POU2F1: variants seen among roughly 807,000 people sequenced by gnomAD.
POU2F1 encodes POU class 2 homeobox 1, also known as POU domain, class 2, transcription factor 1.
In POU2F1, 16 loss-of-function variants were observed where a neutral mutation model predicts 84.9. The ratio of observed to expected loss-of-function variants is 0.19; its 90% CI spans 0.13 to 0.29. The LOEUF is 0.29. POU2F1 is among the 10% of genes least tolerant of loss of function. The pLI, the probability that POU2F1 is intolerant of heterozygous loss-of-function variation, is 1.00. For synonymous variants in POU2F1, 368 were observed against 368.3 expected (o/e 1.00, Z 0.01); for missense variants, 738 against 942.6 (o/e 0.78, Z 2.84).
At chr1:167,373,193 C>G (rs1201636560) in intron 5 of POU2F1, among the ~76,000 whole-genome samples, 14 of 152,102 alleles carry the variant, frequency 9.2e-5, no homozygotes, top group Non-Finnish European at 2.1e-4. Flanking sequence ...GAGGTTGTGG[C>G]ACTAAGTGAC....
At chr1:167,378,501 T>G (rs7553621) in intron 7 of POU2F1, among the ~76,000 whole-genome samples, 124,580 of 151,258 alleles carry the variant, frequency 0.82, 51,834 homozygotes, top group African/African-American at 0.94. Context: ...CTACCTCCTG[T>G]GTTCAAGCGA....
intron 7 of POU2F1, among the ~76,000 whole-genome samples, chr1:167,381,544 CTA>C (rs1431223779): frequency 6.7e-6 from 1 of 150,124 alleles, no homozygotes; most frequent in Admixed American, 6.6e-5. Flanking sequence ...AAAGAAACTC[CTA>C]TGTTGAAATA....
chr1:167,369,485 A>C (rs1029384819), intron 3 of POU2F1, among the ~76,000 whole-genome samples: 1 of 152,164 alleles, frequency 6.6e-6, no homozygotes, highest in South Asian at 2.1e-4. Context: ...TGCCTAAATC[A>C]TAGTTATTAT....
chr1:167,222,095 G>A (rs965259239), intron 1 of POU2F1, among the ~76,000 whole-genome samples: 1 of 152,052 alleles, frequency 6.6e-6, no homozygotes, highest in Non-Finnish European at 1.5e-5. Flanking sequence ...CTCTCGCTCC[G>A]AGGCCCCAGA....
intron 15 of POU2F1, chr1:167,414,489 C>T (rs1260270364): frequency 4.1e-6 from 4 of 985,206 alleles, no homozygotes; most frequent in African/African-American, 1.7e-5. Context: ...TGTGTAATGC[C>T]GTTAGAAAAT....
At chr1:167,326,074 C>T (rs1656691060) in intron 1 of POU2F1, among the ~76,000 whole-genome samples, 1 of 152,082 alleles carries the variant, frequency 6.6e-6, no homozygotes, top group Admixed American at 6.6e-5. Flanking sequence ...ATTATTACTA[C>T]CTTCTATGAA....
intron 1 of POU2F1, among the ~76,000 whole-genome samples, chr1:167,293,740 G>T (rs1395574099): frequency 1.3e-5 from 2 of 152,120 alleles, no homozygotes; most frequent in Non-Finnish European, 2.9e-5. Flanking sequence ...AAGCAACATG[G>T]TACTGGTATA....
Position 167,224,106 on chromosome 1 carries a change from A to G in POU2F1, c.61+3148A>G, listed in dbSNP as rs370484726. 3.9e-5 allele frequency among the ~76,000 whole-genome samples: 6 copies of G among 152,360 alleles called. No individual in the cohort carries two copies. In the East Asian group the frequency reaches 5.8e-4, roughly 15 times the overall value. ...ATTTCGCTGTTACAGTTTTTGTAAT[A>G]CAGAAAAGGATGGATGTTGTTAACT... On this transcript the variant is annotated intron_variant, in intron 1 of 15. Coordinates refer to ENST00000367866, the MANE Select transcript of POU2F1 (RefSeq NM_002697.4).
chr1:167,242,416 C>G (rs934778110), intron 1 of POU2F1, among the ~76,000 whole-genome samples: 1 of 152,166 alleles, frequency 6.6e-6, no homozygotes, highest in Non-Finnish European at 1.5e-5. Context: ...TTCTGCAAAG[C>G]TATAAAAGCT....
chr1:167,327,636 C>T (rs1365076767), intron 1 of POU2F1, among the ~76,000 whole-genome samples: 1 of 152,174 alleles, frequency 6.6e-6, no homozygotes, highest in Non-Finnish European at 1.5e-5. Context: ...TGTATCTGTA[C>T]ACACCTGACT....
At chr1:167,372,483 C>T (rs1660073286) in intron 5 of POU2F1, among the ~76,000 whole-genome samples, 1 of 152,174 alleles carries the variant, frequency 6.6e-6, no homozygotes, top group Admixed American at 6.5e-5. Flanking sequence ...AAGCATGTGG[C>T]TTCATATCCT....
intron 1 of POU2F1, among the ~76,000 whole-genome samples, chr1:167,304,413 G>A (rs1654920659): frequency 6.6e-6 from 1 of 152,174 alleles, no homozygotes; most frequent in South Asian, 2.1e-4. Flanking sequence ...GCTAGAACTG[G>A]AGTTTAAACC....
chr1:167,340,896 A>G (rs1657806245), intron 2 of POU2F1, among the ~76,000 whole-genome samples: 1 of 152,228 alleles, frequency 6.6e-6, no homozygotes, highest in Admixed American at 6.5e-5. Flanking sequence ...ATGTGAACCC[A>G]TGAGAATTCA....
At chr1:167,282,118 C>T (rs901784572) in intron 1 of POU2F1, among the ~76,000 whole-genome samples, 1 of 151,816 alleles carries the variant, frequency 6.6e-6, no homozygotes, top group Admixed American at 6.6e-5. Flanking sequence ...CATACTGTTA[C>T]TTAAGTAAAC....
At position 167,416,852 on chromosome 1, in the gene POU2F1, G is replaced by A. The variant is rs1370190519; in HGVS notation, c.*1042G>A. On this transcript the variant is annotated 3_prime_UTR_variant, in exon 16 of 16. Coordinates refer to ENST00000367866, the MANE Select transcript of POU2F1 (RefSeq NM_002697.4). ...CTGTACATGTTGCAGGGCAGGATTTGGTTCCCAAGAGCAAAGACTACTGCA... is the reference window on the plus strand; with the variant it reads ...CTGTACATGTTGCAGGGCAGGATTTAGTTCCCAAGAGCAAAGACTACTGCA... 1 of 152,212 alleles carries A rather than the reference G, an allele frequency of 6.6e-6. No homozygotes were observed. Among genetic ancestry groups the A allele is most frequent in the Non-Finnish European group, 1.5e-5 (1 of 68,056 alleles). 9.4% of individuals were successfully genotyped at this position (152,212 alleles called of 1,614,324 possible).
chr1:167,292,130 A>G (rs981275927), intron 1 of POU2F1, among the ~76,000 whole-genome samples: 21 of 152,170 alleles, frequency 1.4e-4, no homozygotes, highest in African/African-American at 5.1e-4. Flanking sequence ...GGCTTTTTAT[A>G]GATAAAGTTG....
At chr1:167,369,474 C>G (rs1456606424) in intron 3 of POU2F1, among the ~76,000 whole-genome samples, 4 of 152,212 alleles carry the variant, frequency 2.6e-5, no homozygotes, top group Non-Finnish European at 4.4e-5. Flanking sequence ...ATTGATGACT[C>G]TGCCTAAATC....
At chr1:167,388,312 T>C (rs1376802163) in intron 8 of POU2F1, among the ~76,000 whole-genome samples, 1 of 152,224 alleles carries the variant, frequency 6.6e-6, no homozygotes, top group Admixed American at 6.5e-5. Context: ...CAAAACATTT[T>C]TTAAAACTGC....
At chr1:167,322,367 C>T (rs1277678868) in intron 1 of POU2F1, among the ~76,000 whole-genome samples, 1 of 152,216 alleles carries the variant, frequency 6.6e-6, no homozygotes, top group Non-Finnish European at 1.5e-5. Flanking sequence ...TCTATGACTT[C>T]TGTACGTACT....
Sources: allele counts gnomAD v4.1 joint callset (sites outside exome capture counted in the v4.1 genomes callset), GRCh38; gene constraint gnomAD v4.1.1; transcripts MANE v1.5; gene names NCBI Gene and HGNC (gene_info 2026-07-23, HGNC 2026-07-21).